PLA1A: variants seen among roughly 807,000 people sequenced by gnomAD.
PLA1A encodes phosphatidylserine-specific phospholipase A1alpha.
PLA1A carries 47 observed loss-of-function variants against 49.4 expected under a neutral mutation model. That is an observed-to-expected ratio of 0.95 (90% CI 0.75 to 1.21). The LOEUF is 1.21. Ranked by LOEUF, PLA1A falls within the 50% of genes most tolerant of loss-of-function variation. PLA1A has a pLI of 0.00. For synonymous variants in PLA1A, 224 were observed against 207.9 expected (o/e 1.08, Z -0.67); for missense variants, 561 against 563.9 (o/e 0.99, Z 0.05).
intron 8 of PLA1A, among the ~76,000 whole-genome samples, chr3:119,621,857 A>T (rs1030470963): frequency 3.3e-5 from 5 of 152,106 alleles, no homozygotes; most frequent in Admixed American, 6.5e-5. Context: ...TCCTGTGCAG[A>T]TTTGATTCCA....
intron 5 of PLA1A, among the ~76,000 whole-genome samples, 156 bp from the exon 6 acceptor site, chr3:119,615,853 AAAG>A (rs1007361740): frequency 7.2e-5 from 11 of 152,036 alleles, no homozygotes; most frequent in African/African-American, 2.7e-4. Flanking sequence ...AAAGAAAAGA[AAAG>A]AAAAGAAATC....
chr3:119,598,697 G>A (rs1210744617), intron 1 of PLA1A: 1 of 152,286 alleles, frequency 6.6e-6, no homozygotes, highest in African/African-American at 2.4e-5. Context: ...CTTCTCCGCT[G>A]GACATTTAAT....
chr3:119,626,237 A>G (rs931834995), intron 9 of PLA1A, among the ~76,000 whole-genome samples: 2 of 152,202 alleles, frequency 1.3e-5, no homozygotes, highest in Admixed American at 1.3e-4. Context: ...ACCCCTGCCC[A>G]AAGCAGCCAC....
intron 4 of PLA1A, among the ~76,000 whole-genome samples, 179 bp downstream of exon 4, chr3:119,609,755 AT>A (rs2082740052): frequency 6.6e-6 from 1 of 152,118 alleles, no homozygotes; most frequent in Non-Finnish European, 1.5e-5. Context: ...TTGTGTTATT[AT>A]TGCATGATTT....
intron 5 of PLA1A, among the ~76,000 whole-genome samples, chr3:119,613,545 A>G (rs2082798765): frequency 6.6e-6 from 1 of 152,122 alleles, no homozygotes; most frequent in African/African-American, 2.4e-5. Context: ...GCCTGTCACA[A>G]CTTCCCTCCT....
chr3:119,614,066 G>C (rs1267470098), intron 5 of PLA1A, among the ~76,000 whole-genome samples: 1 of 152,174 alleles, frequency 6.6e-6, no homozygotes, highest in East Asian at 1.9e-4. Flanking sequence ...GCTTAGTGTG[G>C]TGGGTGCAGG....
At chr3:119,620,258 T>C in intron 8 of PLA1A, 1 of 417,382 alleles carries the variant, frequency 2.4e-6, no homozygotes, top group South Asian at 1.8e-5. Flanking sequence ...CTATACTTCC[T>C]GGTTTATGCT....
intron 9 of PLA1A, 42 bp downstream of exon 9, chr3:119,625,274 T>C (rs776262187): frequency 1.5e-6 from 2 of 1,291,720 alleles, no homozygotes; most frequent in African/African-American, 2.9e-5. Flanking sequence ...CCCTTAGGAG[T>C]TGGTTACTTT....
intron 1 of PLA1A, 106 bp from the exon 2 acceptor site, chr3:119,606,668 G>C (rs200332601): frequency 2.1e-6 from 1 of 487,678 alleles, no homozygotes. Context: ...TAAACCCCAT[G>C]CCTGCAGGCC....
rs61733987 is a variant in PLA1A at position 119,608,823 on chromosome 3, G to T, written c.329G>T (p.Arg110Leu). Reference sequence around the variant, plus strand: ...GACACATTTATTAGAACCCTTCTGCGTGCAACGAATGCTAATGTGATTGCC... The same window carrying T: ...GACACATTTATTAGAACCCTTCTGCTTGCAACGAATGCTAATGTGATTGCC... ...WIDTFIRTLL[R>L]ATNANVIAVD... The change falls in exon 3 of 11, where the codon CGT becomes CTT. Residue 110 changes from arginine to leucine, a missense_variant. Physicochemically the swap from Arg to Leu is moderately radical, Grantham distance 102. Coordinates refer to ENST00000273371, the MANE Select transcript of PLA1A (RefSeq NM_015900.4). 6.2e-7 allele frequency: 1 copy of T among 1,613,632 alleles called. No individual in the cohort carries two copies. Among genetic ancestry groups the T allele is most frequent in the Admixed American group, 1.7e-5 (1 of 60,008 alleles).
chr3:119,604,551 T>C (rs752786078), intron 1 of PLA1A, among the ~76,000 whole-genome samples: 17 of 152,040 alleles, frequency 1.1e-4, no homozygotes, highest in Non-Finnish European at 2.4e-4. Context: ...ATGTAGGAGC[T>C]AAAAAAGTGG....
At chr3:119,629,340 G>A (rs918287732) in intron 10 of PLA1A, 44 bp from the exon 11 acceptor site, 1 of 1,110,250 alleles carries the variant, frequency 9.0e-7, no homozygotes, top group African/African-American at 1.5e-5. Context: ...GCCAAGCCCT[G>A]TCTCCTCACC....
At chr3:119,619,778 C>T in intron 8 of PLA1A, 126 bp downstream of exon 8, 1 of 722,798 alleles carries the variant, frequency 1.4e-6, no homozygotes, top group Non-Finnish European at 2.5e-6. Flanking sequence ...GTGGCAACAG[C>T]CCCTGGTCTG....
chr3:119,626,171 C>T (rs147830449), intron 9 of PLA1A, among the ~76,000 whole-genome samples: 1,579 of 152,272 alleles, frequency 0.01, 9 homozygotes, highest in Middle Eastern at 0.041. Flanking sequence ...AAGCTGGGTC[C>T]ACAGGGAAGG....
intron 4 of PLA1A, among the ~76,000 whole-genome samples, 171 bp from the exon 5 acceptor site, chr3:119,612,846 A>G (rs940940363): frequency 3.3e-5 from 5 of 152,150 alleles, no homozygotes; most frequent in African/African-American, 1.2e-4. Flanking sequence ...CTAGAGAGAC[A>G]ACAGAGAGTG....
At chr3:119,600,829 C>T (rs560342921) in intron 1 of PLA1A, among the ~76,000 whole-genome samples, 114 of 152,318 alleles carry the variant, frequency 7.5e-4, no homozygotes, top group African/African-American at 2.7e-3. Flanking sequence ...GCCCAGGGCT[C>T]AAGGGGGTGG....
intron 3 of PLA1A, 73 bp from the exon 4 acceptor site, chr3:119,609,395 G>C: frequency 1.1e-6 from 1 of 945,212 alleles, no homozygotes; most frequent in Non-Finnish European, 1.8e-6. Flanking sequence ...CTGAAGCTTT[G>C]GGGGAAAGCC....
At position 119,620,292 on chromosome 3, in the gene PLA1A, T is replaced by C. The variant is rs148763333; in HGVS notation, c.1012+640T>C. The C allele has an allele frequency of 6.0e-4, 238 of 393,558 alleles. 1 individual carries two copies. The highest frequency in any genetic ancestry group is 4.7e-3 in the African/African-American group (229 of 48,358). The allele number at this position is 393,558 out of a possible 1,614,324, so 24.4% of individuals were successfully genotyped here. A position where few individuals can be genotyped will look rare whatever the true frequency, so the allele number is the denominator to read the frequency against. On this transcript the variant is annotated intron_variant, in intron 8 of 10. Coordinates refer to ENST00000273371, the MANE Select transcript of PLA1A (RefSeq NM_015900.4). ...CTGGTTATCCTGGGGTCCTGTTTGC[T>C]TTATCATGTGTACAGGATAAAGTAT...
intron 5 of PLA1A, 119 bp downstream of exon 5, chr3:119,613,237 C>G: frequency 1.6e-6 from 1 of 638,440 alleles, no homozygotes; most frequent in Non-Finnish European, 2.8e-6. Context: ...GCTTCTGTTG[C>G]ACAGTGAAGA....
Sources: gnomAD v4.1 joint callset for allele counts (sites outside exome capture counted in the v4.1 genomes callset) on GRCh38, gnomAD v4.1.1 for gene constraint, MANE v1.5 for transcripts, NCBI Gene and HGNC (gene_info 2026-07-23, HGNC 2026-07-21) for gene names.